EXOC6B: variants seen among roughly 807,000 people sequenced by gnomAD.
EXOC6B encodes the protein SEC15 homolog B.
Under a neutral mutation model 113.5 loss-of-function variants are expected in EXOC6B, and 54 were observed. The observed-to-expected ratio is 0.48, with a 90% CI of 0.38 to 0.60. The LOEUF (loss-of-function observed/expected upper bound fraction) is 0.60, where lower values mean the gene tolerates loss of function less well. Ranked by LOEUF, EXOC6B falls within the 20% of genes least tolerant of loss-of-function variation. EXOC6B has a pLI of 0.00. For missense variants in EXOC6B, 797 were observed against 977.5 expected, an observed-to-expected ratio of 0.82 and a Z score of 2.46; for synonymous variants, 357 against 339.0, an observed-to-expected ratio of 1.05 and a Z score of -0.58.
At chr2:72,664,047 G>T (rs1466283224) in intron 6 of EXOC6B, among the ~76,000 whole-genome samples, 1 of 152,006 alleles carries the variant, frequency 6.6e-6, no homozygotes, top group African/African-American at 2.4e-5. Context: ...GGTAGTTCAC[G>T]GCTGCAATCC....
chr2:72,786,357 C>T (rs1684377395), intron 1 of EXOC6B, among the ~76,000 whole-genome samples: 1 of 152,200 alleles, frequency 6.6e-6, no homozygotes, highest in Admixed American at 6.5e-5. Context: ...TGAGCACTTA[C>T]ATTCCAGATA....
At chr2:72,793,407 T>C (rs1684785171) in intron 1 of EXOC6B, among the ~76,000 whole-genome samples, 1 of 152,160 alleles carries the variant, frequency 6.6e-6, no homozygotes, top group Non-Finnish European at 1.5e-5. Context: ...CTCTCACCAA[T>C]CCCAAATCGT....
intron 6 of EXOC6B, among the ~76,000 whole-genome samples, chr2:72,608,128 A>G (rs1670860159): frequency 6.6e-6 from 1 of 152,172 alleles, no homozygotes; most frequent in Admixed American, 6.5e-5. Context: ...ACAAGATTCT[A>G]ACAATTCCTT....
chr2:72,422,706 CA>C lies in EXOC6B; in HGVS notation c.1980+42453del, dbSNP rs200831533. On this transcript the variant is annotated intron_variant, in intron 18 of 21. Coordinates refer to ENST00000272427, the MANE Select transcript of EXOC6B (RefSeq NM_015189.3). ...TCTAGCTCAGGGATTGTAAACACAC[CA>C]ATCAGCACCCAGTGTTTAGCTCAAG... Among the ~76,000 whole-genome samples the C allele has an allele frequency of 9.3e-3, 1,407 of 152,050 alleles. 21 individuals carry two copies. The highest frequency in any genetic ancestry group is 0.032 in the African/African-American group (1,311 of 41,434).
intron 6 of EXOC6B, among the ~76,000 whole-genome samples, chr2:72,658,643 G>A (rs1244413556): frequency 1.3e-5 from 2 of 151,954 alleles, no homozygotes; most frequent in African/African-American, 2.4e-5. Flanking sequence ...CATTCTAATT[G>A]ACAAGAAACT....
intron 20 of EXOC6B, among the ~76,000 whole-genome samples, chr2:72,300,371 C>A (rs1396832724): frequency 2.0e-5 from 3 of 152,182 alleles, no homozygotes; most frequent in Non-Finnish European, 4.4e-5. Context: ...ACGCCCCTAC[C>A]TACACCAAAC....
chr2:72,743,753 C>G (rs1210403617), intron 1 of EXOC6B, among the ~76,000 whole-genome samples: 1 of 152,140 alleles, frequency 6.6e-6, no homozygotes, highest in East Asian at 1.9e-4. Context: ...GACATTTGTT[C>G]AAGAAATACT....
intron 20 of EXOC6B, among the ~76,000 whole-genome samples, chr2:72,272,082 T>A (rs1216206289): frequency 2.0e-5 from 3 of 152,148 alleles, no homozygotes; most frequent in Non-Finnish European, 4.4e-5. Context: ...AGAATGGATG[T>A]GAGTCTGGGT....
At chr2:72,449,976 AC>A (rs1316014642) in intron 18 of EXOC6B, among the ~76,000 whole-genome samples, 22 of 152,248 alleles carry the variant, frequency 1.4e-4, no homozygotes, top group Admixed American at 5.9e-4. Context: ...TTGTAGAACA[AC>A]TTATAACAGA....
chr2:72,574,628 A>G (rs1015898629), intron 7 of EXOC6B, among the ~76,000 whole-genome samples: 7 of 152,290 alleles, frequency 4.6e-5, no homozygotes, highest in African/African-American at 1.7e-4. Context: ...TACAAGAGTA[A>G]ATGATTCCTT....
chr2:72,305,244 C>T (rs2104768702), intron 20 of EXOC6B, among the ~76,000 whole-genome samples: 1 of 152,100 alleles, frequency 6.6e-6, no homozygotes, highest in South Asian at 2.1e-4. Flanking sequence ...CCAGGTTAGC[C>T]TTGGCTCTGA....
At chr2:72,540,867 C>T (rs1310597869) in intron 8 of EXOC6B, among the ~76,000 whole-genome samples, 1 of 152,316 alleles carries the variant, frequency 6.6e-6, no homozygotes, top group East Asian at 1.9e-4. Flanking sequence ...CTATCACAAC[C>T]TTTGCAGAAA....
Position 72,589,791 on chromosome 2 carries a change from T to C in EXOC6B, c.670-14123A>G, listed in dbSNP as rs182152075. ...ATGTTTGCACCAAAAAAAAATGATATAACAGATCTGATATAACTTAGTTGA... is the reference window on the plus strand; with the variant it reads ...ATGTTTGCACCAAAAAAAAATGATACAACAGATCTGATATAACTTAGTTGA... On this transcript the variant is annotated intron_variant, in intron 6 of 21. Coordinates refer to ENST00000272427, the MANE Select transcript of EXOC6B (RefSeq NM_015189.3). 3.6e-3 allele frequency among the ~76,000 whole-genome samples: 543 copies of C among 151,726 alleles called. 2 individuals carry two copies. The highest frequency in any genetic ancestry group is 6.5e-3 in the Non-Finnish European group (442 of 67,812).
intron 10 of EXOC6B, among the ~76,000 whole-genome samples, chr2:72,513,662 A>C (rs1047829743): frequency 2.0e-5 from 3 of 151,804 alleles, no homozygotes; most frequent in African/African-American, 7.3e-5. Context: ...TATATATATA[A>C]TGTATTCTCT....
chr2:72,688,841 G>C (rs375994559), intron 6 of EXOC6B, among the ~76,000 whole-genome samples: 1 of 152,136 alleles, frequency 6.6e-6, no homozygotes, highest in African/African-American at 2.4e-5. Context: ...GTAAATGACA[G>C]GGGTCCAAAC....
At chr2:72,196,915 A>C (rs537663844) in intron 20 of EXOC6B, among the ~76,000 whole-genome samples, 152 of 152,310 alleles carry the variant, frequency 1.0e-3, no homozygotes, top group Non-Finnish European at 1.7e-3. Flanking sequence ...TTGAGGGTCA[A>C]AGGAGGGGCC....
chr2:72,576,865 A>G (rs1437186867), intron 6 of EXOC6B, among the ~76,000 whole-genome samples: 1 of 152,104 alleles, frequency 6.6e-6, no homozygotes, highest in Non-Finnish European at 1.5e-5. Context: ...TGAGAATGTG[A>G]CCTCTGAAAG....
intron 6 of EXOC6B, among the ~76,000 whole-genome samples, chr2:72,674,597 C>T (rs956859928): frequency 1.3e-5 from 2 of 151,824 alleles, no homozygotes; most frequent in Admixed American, 6.6e-5. Context: ...TTTGGGAGGC[C>T]GAGGCGGGCG....
intron 20 of EXOC6B, among the ~76,000 whole-genome samples, chr2:72,310,965 A>T (rs1401456625): frequency 6.6e-6 from 1 of 152,142 alleles, no homozygotes; most frequent in Non-Finnish European, 1.5e-5. Context: ...TCTCAAAGTC[A>T]TTCAGCTAAG....
Sources: gnomAD v4.1 joint callset for allele counts (sites outside exome capture counted in the v4.1 genomes callset) on GRCh38, gnomAD v4.1.1 for gene constraint, MANE v1.5 for transcripts, NCBI Gene and HGNC (gene_info 2026-07-23, HGNC 2026-07-21) for gene names.